PKHD1: variants seen among roughly 807,000 people sequenced by gnomAD.
PKHD1 encodes fibrocystin.
In PKHD1, 291 loss-of-function variants were observed where a neutral mutation model predicts 412.0. The ratio of observed to expected loss-of-function variants is 0.71; its 90% CI spans 0.64 to 0.78. The LOEUF (loss-of-function observed/expected upper bound fraction) is 0.78, where lower values mean the gene tolerates loss of function less well. Among genes scored for constraint, PKHD1 ranks in the 30% least tolerant of loss-of-function variants. PKHD1 has a pLI of 0.00. For synonymous variants in PKHD1, 1,777 were observed against 1,821.5 expected (o/e 0.98, Z 0.62); for missense variants, 4,825 against 4,950.7 (o/e 0.97, Z 0.76).
chr6:51,677,511 G>T lies in PKHD1; in HGVS notation c.10157-17542C>A, dbSNP rs748539402. Reference sequence around the variant, plus strand: ...AGACTTCAGGAACTACAGATCATAGGATCTGTCACAATTTTATGAGCAATC... The same window carrying T: ...AGACTTCAGGAACTACAGATCATAGTATCTGTCACAATTTTATGAGCAATC... On this transcript the variant is annotated intron_variant, in intron 60 of 66. Coordinates refer to ENST00000371117, the MANE Select transcript of PKHD1 (RefSeq NM_138694.4). 4.6e-5 allele frequency among the ~76,000 whole-genome samples: 7 copies of T among 152,260 alleles called. No homozygotes were observed. The South Asian group carries it at 1.0e-3, about 23-fold the overall frequency.
chr6:51,904,363 C>G (rs1046374164), intron 41 of PKHD1, among the ~76,000 whole-genome samples: 2 of 152,156 alleles, frequency 1.3e-5, no homozygotes, highest in African/African-American at 4.8e-5. Context: ...AACTGGCCAC[C>G]TGCTATCTGC....
chr6:52,002,208 C>CTA (rs748286676), intron 35 of PKHD1, among the ~76,000 whole-genome samples: 6 of 152,304 alleles, frequency 3.9e-5, no homozygotes, highest in Admixed American at 6.5e-5. Context: ...GTTTCTCCTA[C>CTA]TATTATACGT....
At chr6:51,857,998 T>C (rs78459643) in intron 48 of PKHD1, among the ~76,000 whole-genome samples, 5,444 of 152,244 alleles carry the variant, frequency 0.036, 259 homozygotes, top group African/African-American at 0.11. Context: ...GGGTTTTAGA[T>C]ACTTAGGTTT....
chr6:51,748,982 G>C (rs994716018), intron 57 of PKHD1, among the ~76,000 whole-genome samples: 2 of 152,152 alleles, frequency 1.3e-5, no homozygotes, highest in African/African-American at 2.4e-5. Flanking sequence ...ATTTGTCGGG[G>C]GCCGGGTCAA....
intron 60 of PKHD1, among the ~76,000 whole-genome samples, chr6:51,662,079 A>G (rs1290305098): frequency 2.0e-5 from 3 of 151,984 alleles, no homozygotes; most frequent in African/African-American, 4.8e-5. Flanking sequence ...AAAACTATAA[A>G]ATATTTAAAA....
At chr6:51,959,523 A>G (rs922839202) in intron 36 of PKHD1, among the ~76,000 whole-genome samples, 1 of 152,116 alleles carries the variant, frequency 6.6e-6, no homozygotes, top group African/African-American at 2.4e-5. Context: ...AAAGGCAGCA[A>G]CGTTAACCAA....
At position 51,632,725 on chromosome 6, in the gene PKHD1, T is replaced by C; in HGVS notation, c.11507-2A>G. 1 of 1,612,198 alleles carries C rather than the reference T, an allele frequency of 6.2e-7. No homozygotes were observed. The highest frequency in any genetic ancestry group is 8.5e-7 in the Non-Finnish European group (1 of 1,178,596). ...TGGATCGAGCTGTAAAATTGACTCC[T>C]GTGGCGGGGAAAAGAAGATGTTTCA... On this transcript the variant is annotated splice_acceptor_variant, in intron 64 of 66. Transcript: ENST00000371117. LOFTEE classifies it high-confidence loss of function.
chr6:51,784,476 G>A (rs1223462748), intron 53 of PKHD1, among the ~76,000 whole-genome samples: 1 of 152,124 alleles, frequency 6.6e-6, no homozygotes, highest in Non-Finnish European at 1.5e-5. Flanking sequence ...TCACAGTTAT[G>A]AATCTTCTAT....
At chr6:51,957,951 A>T (rs1791395291) in intron 36 of PKHD1, among the ~76,000 whole-genome samples, 1 of 152,108 alleles carries the variant, frequency 6.6e-6, no homozygotes, top group Non-Finnish European at 1.5e-5. Context: ...GTAATATTAC[A>T]TGTTACTGCC....
chr6:51,741,548 C>T (rs1359706647), intron 60 of PKHD1, among the ~76,000 whole-genome samples: 1 of 152,096 alleles, frequency 6.6e-6, no homozygotes, highest in Non-Finnish European at 1.5e-5. Context: ...GACAGGGGAG[C>T]CAGGATTTGA....
At chr6:51,634,365 CTTGT>C (rs1768274063) in intron 64 of PKHD1, among the ~76,000 whole-genome samples, 1 of 152,126 alleles carries the variant, frequency 6.6e-6, no homozygotes, top group Admixed American at 6.6e-5. Context: ...CCATATTTGG[CTTGT>C]TTGTTATCAA....
Position 51,906,211 on chromosome 6 carries a change from T to G in PKHD1, c.6808+4A>C. On this transcript the variant is annotated splice_donor_region_variant and intron_variant, in intron 41 of 66. Transcript: ENST00000371117. Reference sequence around the variant, plus strand: ...CAGAAATTCAACAAGCTTGTTTTACTTACCAACTAGCAGCGCATGACCTAA... The same window carrying G: ...CAGAAATTCAACAAGCTTGTTTTACGTACCAACTAGCAGCGCATGACCTAA... The G allele has an allele frequency of 6.2e-7, 1 of 1,611,146 alleles. No individual in the cohort carries two copies. The highest frequency in any genetic ancestry group is 8.5e-7 in the Non-Finnish European group (1 of 1,177,630).
chr6:51,719,826 G>A (rs574880878), intron 60 of PKHD1, among the ~76,000 whole-genome samples: 19 of 152,200 alleles, frequency 1.2e-4, no homozygotes, highest in Admixed American at 7.2e-4. Context: ...TCAAAAACAG[G>A]ATCATTCTTT....
chr6:51,839,849 G>A (rs533194202), intron 50 of PKHD1, among the ~76,000 whole-genome samples: 5 of 151,776 alleles, frequency 3.3e-5, no homozygotes, highest in East Asian at 1.9e-4. Context: ...CATTTATCTA[G>A]TGTGTCAGCC....
In PKHD1 at chr6:51,941,157, C is replaced by G. The variant is rs182719105; in HGVS notation, c.5909-6835G>C. Among the ~76,000 whole-genome samples, 1,151 of 150,860 alleles carry G rather than the reference C, an allele frequency of 7.6e-3. 48 individuals are homozygous for G. Among genetic ancestry groups the G allele is most frequent in the East Asian group, 0.049 (252 of 5,140 alleles). On this transcript the variant is annotated intron_variant, in intron 36 of 66. Coordinates refer to ENST00000371117, the MANE Select transcript of PKHD1 (RefSeq NM_138694.4). ...CATTAAAACCTAATCACCCTTACCC[C>G]ACTCAATGCCAATATCCCATCCCAC...
intron 48 of PKHD1, among the ~76,000 whole-genome samples, chr6:51,862,935 C>T (rs529801758): frequency 3.9e-5 from 6 of 152,256 alleles, no homozygotes; most frequent in South Asian, 2.1e-4. Context: ...AATTCCCTTG[C>T]CAGGCATTTG....
At chr6:51,943,415 A>G (rs962029980) in intron 36 of PKHD1, among the ~76,000 whole-genome samples, 2 of 150,522 alleles carry the variant, frequency 1.3e-5, no homozygotes, top group African/African-American at 4.9e-5. Flanking sequence ...AAAACTCATC[A>G]TCCCTACTAT....
intron 35 of PKHD1, among the ~76,000 whole-genome samples, chr6:51,968,004 C>A (rs1017401264): frequency 1.3e-5 from 2 of 152,132 alleles, no homozygotes; most frequent in African/African-American, 4.8e-5. Flanking sequence ...GTTTCATACA[C>A]CAGGAAACCT....
At chr6:51,983,627 G>A (rs1795853583) in intron 35 of PKHD1, among the ~76,000 whole-genome samples, 1 of 152,216 alleles carries the variant, frequency 6.6e-6, no homozygotes, top group African/African-American at 2.4e-5. Flanking sequence ...TCGAAGCGGA[G>A]GTGAAGAAAG....
Sources: gnomAD v4.1 joint callset for allele counts (sites outside exome capture counted in the v4.1 genomes callset) on GRCh38, gnomAD v4.1.1 for gene constraint, MANE v1.5 for transcripts, NCBI Gene and HGNC (gene_info 2026-07-23, HGNC 2026-07-21) for gene names.